The following CMTM7 variants were observed in gnomAD, a reference collection of about 807,000 sequenced individuals.
CMTM7 encodes CKLF like MARVEL transmembrane domain containing 7.
CMTM7 carries 7 observed loss-of-function variants against 19.3 expected under a neutral mutation model. The ratio of observed to expected loss-of-function variants is 0.36; its 90% confidence interval spans 0.21 to 0.68. The LOEUF (loss-of-function observed/expected upper bound fraction) is 0.68, where lower values mean the gene tolerates loss of function less well. CMTM7 is among the 30% of genes least tolerant of loss of function. CMTM7 has a pLI of 0.60. For synonymous variants in CMTM7, 87 were observed against 99.3 expected (o/e 0.88, Z 0.74); for missense variants, 193 against 232.6 (o/e 0.83, Z 1.11).
intron 1 of CMTM7, among the ~76,000 whole-genome samples, chr3:32,436,320 T>C (rs750854685): frequency 6.6e-6 from 1 of 152,122 alleles, no homozygotes; most frequent in Non-Finnish European, 1.5e-5. Flanking sequence ...GCACAAAGGC[T>C]ATTAGATGAT....
chr3:32,416,885 G>A (rs72857182), intron 1 of CMTM7, among the ~76,000 whole-genome samples: 1 of 152,254 alleles, frequency 6.6e-6, no homozygotes, highest in African/African-American at 2.4e-5. Context: ...GTGTACTAAG[G>A]GCTGGGACCT....
Position 32,454,339 on chromosome 3 carries a change from G to A in CMTM7, c.*85G>A. The A allele has an allele frequency of 6.4e-7, 1 of 1,551,464 alleles. No individual in the cohort carries two copies. The highest frequency in any genetic ancestry group is 8.9e-7 in the Non-Finnish European group (1 of 1,125,430). On this transcript the variant is annotated 3_prime_UTR_variant, in exon 5 of 5. Coordinates refer to ENST00000334983, the MANE Select transcript of CMTM7 (RefSeq NM_138410.4). ...GCGAGGCCTCTGGACCTGTGTTCCT[G>A]TGCCAAAGTCCTGTCAGGCTGGTGG...
chr3:32,412,211 G>A (rs1434868463), intron 1 of CMTM7, among the ~76,000 whole-genome samples: 6 of 152,094 alleles, frequency 3.9e-5, no homozygotes, highest in African/African-American at 1.4e-4. Flanking sequence ...CAGCCTGGGT[G>A]TGGTGGCTCA....
chr3:32,449,192 G>C lies in CMTM7; in HGVS notation c.334-262G>C, dbSNP rs1033354743. On this transcript the variant is annotated intron_variant, in intron 2 of 4. Coordinates refer to ENST00000334983, the MANE Select transcript of CMTM7 (RefSeq NM_138410.4). This position sits in a 1 kb window ranked among gnomAD's most constrained non-coding sequence, Gnocchi z 4.5. Reference sequence around the variant, plus strand: ...AGAGGAGTCCTTAGTGGCTATCTCTGCTCACACCAGAAGCTTCCTTTCTCT... The same window carrying C: ...AGAGGAGTCCTTAGTGGCTATCTCTCCTCACACCAGAAGCTTCCTTTCTCT... 2.6e-5 allele frequency among the ~76,000 whole-genome samples: 4 copies of C among 152,198 alleles called. No homozygotes were observed. Among genetic ancestry groups the C allele is most frequent in the Admixed American group, 6.5e-5 (1 of 15,282 alleles).
intron 1 of CMTM7, among the ~76,000 whole-genome samples, chr3:32,440,913 T>G (rs575578541): frequency 6.6e-6 from 1 of 152,256 alleles, no homozygotes; most frequent in Non-Finnish European, 1.5e-5. Context: ...AAGCTCAGAC[T>G]GTTACTCATT....
chr3:32,404,872 A>G (rs1193241203), intron 1 of CMTM7, among the ~76,000 whole-genome samples: 1 of 152,238 alleles, frequency 6.6e-6, no homozygotes, highest in Non-Finnish European at 1.5e-5. Context: ...GTGAGTTAAA[A>G]GATTTTCTCC....
intron 1 of CMTM7, among the ~76,000 whole-genome samples, chr3:32,396,207 CA>C (rs1394228243): frequency 6.6e-6 from 1 of 151,948 alleles, no homozygotes; most frequent in Non-Finnish European, 1.5e-5. Context: ...TGAAAATGTT[CA>C]AAAAATTGGT....
rs994611194 is a variant in CMTM7 at position 32,394,821 on chromosome 3, G to C, written c.159+2756G>C. On this transcript the variant is annotated intron_variant, in intron 1 of 4. Coordinates refer to ENST00000334983, the MANE Select transcript of CMTM7 (RefSeq NM_138410.4). ...ATCAAATCTCCTGTCTCAGCCTCAC[G>C]AGTAGCTGGGACTACAGGCACGTGC... Among the ~76,000 whole-genome samples, 17 of 151,958 alleles carry C rather than the reference G, an allele frequency of 1.1e-4. No individual in the cohort carries two copies. The South Asian group carries it at 2.9e-3, about 26-fold the overall frequency.
intron 1 of CMTM7, among the ~76,000 whole-genome samples, chr3:32,400,398 TC>T (rs769090058): frequency 6.7e-5 from 3 of 44,560 alleles, no homozygotes; most frequent in African/African-American, 2.0e-4. Context: ...TTCTTCTTCT[TC>T]TTTTTTTTTT....
chr3:32,430,468 A>G (rs1404142131), intron 1 of CMTM7, among the ~76,000 whole-genome samples: 1 of 152,144 alleles, frequency 6.6e-6, no homozygotes, highest in East Asian at 1.9e-4. Flanking sequence ...ATTCAACCCC[A>G]GATTCAGTTC....
At chr3:32,395,548 G>A (rs1027208402) in intron 1 of CMTM7, among the ~76,000 whole-genome samples, 2 of 152,218 alleles carry the variant, frequency 1.3e-5, no homozygotes, top group Non-Finnish European at 2.9e-5. Context: ...CTCTGGCAGA[G>A]TTGTTGCTTG....
intron 2 of CMTM7, among the ~76,000 whole-genome samples, chr3:32,442,326 G>A (rs1187131529): frequency 6.6e-6 from 1 of 151,490 alleles, no homozygotes; most frequent in Non-Finnish European, 1.5e-5. Context: ...GTGAAACCCC[G>A]TCTCTACTAA....
chr3:32,435,386 TGGGA>T (rs1696583261), intron 1 of CMTM7, among the ~76,000 whole-genome samples: 1 of 152,188 alleles, frequency 6.6e-6, no homozygotes, highest in South Asian at 2.1e-4. Context: ...CCTGGGCGAC[TGGGA>T]GAGACTCCAT....
At chr3:32,413,908 A>G (rs1447370409) in intron 1 of CMTM7, among the ~76,000 whole-genome samples, 1 of 152,088 alleles carries the variant, frequency 6.6e-6, no homozygotes, top group African/African-American at 2.4e-5. Context: ...CTCCCCACAA[A>G]TTGATGTCCA....
intron 1 of CMTM7, among the ~76,000 whole-genome samples, chr3:32,431,007 T>G (rs1296127807): frequency 1.3e-5 from 2 of 152,174 alleles, no homozygotes; most frequent in Non-Finnish European, 2.9e-5. Flanking sequence ...CCATTCAAGG[T>G]TTCTGGCATG....
intron 1 of CMTM7, 115 bp from the exon 2 acceptor site, chr3:32,441,725 A>T: frequency 1.2e-6 from 1 of 840,012 alleles, no homozygotes; most frequent in Non-Finnish European, 2.0e-6. Flanking sequence ...GAATTGTATT[A>T]ATAGCAGTTC....
intron 1 of CMTM7, among the ~76,000 whole-genome samples, chr3:32,415,559 G>T (rs1267207031): frequency 6.6e-6 from 1 of 152,230 alleles, no homozygotes; most frequent in African/African-American, 2.4e-5. Flanking sequence ...GAAATCTTGG[G>T]TACATCACCT....
chr3:32,435,466 C>T (rs1696584674), intron 1 of CMTM7, among the ~76,000 whole-genome samples: 2 of 152,224 alleles, frequency 1.3e-5, no homozygotes, highest in African/African-American at 4.8e-5. Flanking sequence ...CTTTGCAGCG[C>T]TGTTTGTATT....
At chr3:32,433,331 C>T (rs758618316) in intron 1 of CMTM7, among the ~76,000 whole-genome samples, 9 of 152,192 alleles carry the variant, frequency 5.9e-5, no homozygotes, top group Non-Finnish European at 1.3e-4. Flanking sequence ...GATTGTGGTA[C>T]AGACCATCGG....
Sources: gnomAD v4.1 joint callset for allele counts (sites outside exome capture counted in the v4.1 genomes callset) on GRCh38, gnomAD v4.1.1 for gene constraint, Gnocchi (gnomAD v3.1) non-coding constraint, MANE v1.5 for transcripts, NCBI Gene and HGNC (gene_info 2026-07-23, HGNC 2026-07-21) for gene names.